CCDC102A: variants seen among roughly 807,000 people sequenced by gnomAD.
CCDC102A encodes coiled-coil domain-containing protein 102A.
Under a neutral mutation model 55.5 loss-of-function variants are expected in CCDC102A, and 40 were observed. The observed-to-expected ratio is 0.72, with a 90% CI of 0.56 to 0.94. The LOEUF (loss-of-function observed/expected upper bound fraction) is 0.94, where lower values mean the gene tolerates loss of function less well. Among genes scored for constraint, CCDC102A ranks in the 40% least tolerant of loss-of-function variants. The pLI, the probability that CCDC102A is intolerant of heterozygous loss-of-function variation, is 0.00. For missense variants in CCDC102A, 779 were observed against 768.6 expected, an observed-to-expected ratio of 1.01 and a Z score of -0.16; for synonymous variants, 323 against 339.0, an observed-to-expected ratio of 0.95 and a Z score of 0.52.
chr16:57,523,749 C>T (rs1042300274), intron 3 of CCDC102A, among the ~76,000 whole-genome samples: 1 of 151,968 alleles, frequency 6.6e-6, no homozygotes, highest in African/African-American at 2.4e-5. Flanking sequence ...AGTTCGAGAC[C>T]AGCCTGGCCA....
intron 3 of CCDC102A, 49 bp downstream of exon 3, chr16:57,525,852 T>C (rs1487174270): frequency 1.9e-6 from 3 of 1,539,054 alleles, no homozygotes; most frequent in Non-Finnish European, 2.7e-6. Flanking sequence ...GAGGGCGTTG[T>C]AGCACGGCCT....
chr16:57,536,630 AG>A (rs2032397854), upstream of CCDC102A: 1 of 151,356 alleles, frequency 6.6e-6, no homozygotes, highest in South Asian at 2.1e-4. Context: ...TCCCGGGGGG[AG>A]GGGAAGCAGG....
At position 57,528,837 on chromosome 16, in the gene CCDC102A, T is replaced by C. The variant is rs764397301; in HGVS notation, c.341A>G (p.Glu114Gly). Residue 114 changes from glutamate to glycine, a missense_variant, in exon 2 of 9, where the codon GAG becomes GGG. Physicochemically the swap from Glu to Gly is moderately conservative, Grantham distance 98. Coordinates refer to ENST00000258214, the MANE Select transcript of CCDC102A (RefSeq NM_033212.4). ...CACCTCCTCGCGCGCGCGGTTGCGC[T>C]CAGCGCGCACCTTGCTCCATTTCTC... ...WREKWSKVRA[E>G]RNRAREEVRQ... 1 of 1,300,146 alleles carries C rather than the reference T, an allele frequency of 7.7e-7. No individual in the cohort carries two copies. Among genetic ancestry groups the C allele is most frequent in the Admixed American group, 3.3e-5 (1 of 30,016 alleles). 80.5% of individuals were successfully genotyped at this position (1,300,146 alleles called of 1,614,324 possible).
At chr16:57,513,584 C>T (rs2031903030) in intron 8 of CCDC102A, among the ~76,000 whole-genome samples, 1 of 152,222 alleles carries the variant, frequency 6.6e-6, no homozygotes, top group East Asian at 1.9e-4. Flanking sequence ...GGTGGCCCCA[C>T]CCTCCCCGAT....
intron 3 of CCDC102A, 31 bp downstream of exon 3, chr16:57,525,870 G>A (rs1436520828): frequency 6.3e-7 from 1 of 1,598,378 alleles, no homozygotes; most frequent in East Asian, 2.2e-5. Flanking sequence ...CCTGGCCCTG[G>A]CCCTGCCCCC....
At position 57,516,367 on chromosome 16, in the gene CCDC102A, G is replaced by T; in HGVS notation, c.1345C>A (p.His449Asn). 6.2e-7 allele frequency: 1 copy of T among 1,609,050 alleles called. No homozygotes were observed. The change falls in exon 7 of 9, where the codon CAC (histidine) becomes AAC (asparagine). Residue 449 changes from histidine to asparagine, a missense_variant. Transcript: ENST00000258214. This position sits in a 1 kb window ranked among gnomAD's most constrained non-coding sequence, Gnocchi z 4.4. ...LAHANRRVEQHEAEVKKLRLR... is the reference protein window; with the variant it reads ...LAHANRRVEQNEAEVKKLRLR... ...CGCAGCTTCTTCACCTCAGCCTCGT[G>T]CTGCTCCACCCGCCGGTTGGCATGT...
rs552065602 is a variant in CCDC102A, at chr16:57,527,267, T to C, written c.586-1140A>G. 1.8e-3 allele frequency among the ~76,000 whole-genome samples: 268 copies of C among 152,302 alleles called. 1 individual carries two copies. The highest frequency in any genetic ancestry group is 6.3e-3 in the African/African-American group (261 of 41,562). On this transcript the variant is annotated intron_variant, in intron 2 of 8. Coordinates refer to ENST00000258214, the MANE Select transcript of CCDC102A (RefSeq NM_033212.4). The stretch of plus-strand genomic sequence containing the variant: ...CTTGGACCCTGCCCCTAGGTGGCTT[T>C]CTGGTAACAGGCCTGCTGGCTCAGG...
chr16:57,522,004 G>A (rs193119565), intron 3 of CCDC102A, among the ~76,000 whole-genome samples: 152 of 152,316 alleles, frequency 1.0e-3, no homozygotes, highest in African/African-American at 3.0e-3. Flanking sequence ...TTTAGTGGAC[G>A]GGGGCCAGGG....
chr16:57,527,512 C>G (rs56218071), intron 2 of CCDC102A, among the ~76,000 whole-genome samples: 1 of 148,984 alleles, frequency 6.7e-6, no homozygotes. Flanking sequence ...CTCCACCTCT[C>G]GGGTTAAAGC....
In CCDC102A at chr16:57,528,795, C is replaced by T. The variant is rs543367134; in HGVS notation, c.383G>A (p.Arg128His). ...AREEVRQLRQ[R>H]LDALTKELAG... ...CAGCTCCTTGGTGAGCGCGTCCAGG[C>T]GCTGGCGCAGCTGGCGCACCTCCTC... is the stretch of plus-strand genomic sequence containing the variant. Residue 128 changes from arginine (R) to histidine (H), a missense_variant, in exon 2 of 9, where the codon CGC (arginine) becomes CAC (histidine). Arg to His is a conservative substitution (Grantham distance 29, BLOSUM62 0). Coordinates refer to ENST00000258214, the MANE Select transcript of CCDC102A (RefSeq NM_033212.4). 1.6e-6 allele frequency: 2 copies of T among 1,216,762 alleles called. No individual in the cohort carries two copies. Among genetic ancestry groups the T allele is most frequent in the African/African-American group, 1.6e-5 (1 of 60,700 alleles). The allele number at this position is 1,216,762 out of a possible 1,614,324, so 75.4% of individuals were successfully genotyped here.
intron 2 of CCDC102A, among the ~76,000 whole-genome samples, chr16:57,526,356 T>C (rs2032142137): frequency 6.6e-6 from 1 of 152,158 alleles, no homozygotes; most frequent in South Asian, 2.1e-4. Flanking sequence ...CCCTGTATCC[T>C]AGAAGATTCC....
chr16:57,516,319 T>C lies in CCDC102A; in HGVS notation c.1393A>G (p.Lys465Glu). ...KLRLRVEELKKELAQAEDELD... is the reference protein window; with the variant it reads ...KLRLRVEELKEELAQAEDELD... ...TCGTCCTCAGCCTGGGCCAGCTCCT[T>C]CTTGAGCTCCTCCACCCGCAGCCGC... Residue 465 changes from lysine (K) to glutamate (E), a missense_variant, in exon 7 of 9, where the codon AAG becomes GAG. Transcript: ENST00000258214. The surrounding 1 kb of genome is among the most constrained non-coding windows in gnomAD (Gnocchi z 4.4). 2 of 1,606,686 alleles carry C rather than the reference T, an allele frequency of 1.2e-6. No individual in the cohort carries two copies. Among genetic ancestry groups the C allele is most frequent in the Non-Finnish European group, 1.7e-6 (2 of 1,179,990 alleles).
Position 57,515,375 on chromosome 16 carries a change from T to A in CCDC102A, c.1489A>T (p.Asn497Tyr). Residue 497 changes from asparagine to tyrosine, a missense_variant, in exon 8 of 9, where the codon AAC (asparagine) becomes TAC (tyrosine). Transcript: ENST00000258214. ...SLDEQTEQSE[N>Y]LQVQLEHLQS... The stretch of plus-strand genomic sequence containing the variant: ...AGGTGCTCCAGTTGCACTTGCAGGT[T>A]CTCGCTCTGCTCCGTCTGCTCGTCC... The A allele has an allele frequency of 6.2e-7, 1 of 1,608,516 alleles. No individual in the cohort carries two copies. The highest frequency in any genetic ancestry group is 8.5e-7 in the Non-Finnish European group (1 of 1,178,376).
rs2146698882 is a variant in CCDC102A, at chr16:57,516,653, T to C, written c.1249-190A>G. 8.2e-6 allele frequency: 5 copies of C among 606,564 alleles called. No homozygotes were observed. In the South Asian group the frequency reaches 9.9e-5, roughly 12 times the overall value. 37.6% of individuals were successfully genotyped at this position (606,564 alleles called of 1,614,324 possible). A position where few individuals can be genotyped will look rare whatever the true frequency, so the allele number is the denominator to read the frequency against. On this transcript the variant is annotated intron_variant, in intron 6 of 8. Transcript: ENST00000258214. This position sits in a 1 kb window ranked among gnomAD's most constrained non-coding sequence, Gnocchi z 4.4. ...TGAGCAGCCAGAGGCTGGAGGTGCC[T>C]TCCAGGGAGGTGAGAAGGCTGGGTG...
intron 4 of CCDC102A, 83 bp from the exon 5 acceptor site, chr16:57,518,824 G>A: frequency 9.2e-7 from 1 of 1,090,272 alleles, no homozygotes; most frequent in Non-Finnish European, 1.4e-6. Flanking sequence ...GCCAGTGCAG[G>A]AGTGCTCAGC....
At chr16:57,530,740 T>C (rs2032241975) in intron 1 of CCDC102A, among the ~76,000 whole-genome samples, 1 of 151,692 alleles carries the variant, frequency 6.6e-6, no homozygotes, top group Non-Finnish European at 1.5e-5. Flanking sequence ...TTTCCAGGGG[T>C]CTTACCCCTG....
At chr16:57,536,791 C>T (rs571719674), upstream of CCDC102A, among the ~76,000 whole-genome samples, 1 of 152,230 alleles carries the variant, frequency 6.6e-6, no homozygotes, top group South Asian at 2.1e-4. Flanking sequence ...GGCCGTACCC[C>T]AACGGAGGCC....
intron 1 of CCDC102A, among the ~76,000 whole-genome samples, chr16:57,536,025 A>G (rs889713476): frequency 9.9e-5 from 15 of 152,128 alleles, no homozygotes; most frequent in Admixed American, 7.2e-4. Context: ...CGGAGGGTGG[A>G]GGGGGTTCCC....
intron 3 of CCDC102A, among the ~76,000 whole-genome samples, chr16:57,523,606 A>G (rs1291446264): frequency 2.0e-5 from 3 of 151,538 alleles, no homozygotes; most frequent in African/African-American, 4.9e-5. Flanking sequence ...TCAGCCTTCC[A>G]AGTAGCTGGG....
Sources: gnomAD v4.1 joint callset for allele counts (sites outside exome capture counted in the v4.1 genomes callset) on GRCh38, gnomAD v4.1.1 for gene constraint, Gnocchi (gnomAD v3.1) non-coding constraint, MANE v1.5 for transcripts, NCBI Gene and HGNC (gene_info 2026-07-23, HGNC 2026-07-21) for gene names.